The following CRACDL variants were observed in gnomAD, a reference collection of about 807,000 sequenced individuals.
The protein encoded by CRACDL is CRACD like, also known as CRACD-like protein.
Under a neutral mutation model 70.6 loss-of-function variants are expected in CRACDL, and 26 were observed. The observed-to-expected ratio is 0.37, with a 90% CI of 0.27 to 0.51. CRACDL has a LOEUF of 0.51. Among genes scored for constraint, CRACDL ranks in the 20% least tolerant of loss-of-function variants. The probability of loss-of-function intolerance (pLI) is 0.94; values close to 1 mark genes in which losing one functional copy is unlikely to be tolerated. For missense variants in CRACDL, 1,283 were observed against 1,376.9 expected (o/e 0.93, Z 1.08); for synonymous variants, 618 against 615.2 (o/e 1.00, Z -0.07).
intron 5 of CRACDL, among the ~76,000 whole-genome samples, chr2:98,830,358 A>G (rs979756368): frequency 2.0e-5 from 3 of 152,186 alleles, no homozygotes; most frequent in East Asian, 1.9e-4. Context: ...TTTTCTGTCT[A>G]TGTGGGCCTG....
At chr2:98,915,426 C>T (rs1339080311) in intron 1 of CRACDL, among the ~76,000 whole-genome samples, 1 of 152,164 alleles carries the variant, frequency 6.6e-6, no homozygotes, top group East Asian at 1.9e-4. Context: ...GGGAGCAGGC[C>T]ATGGGACCAT....
At chr2:98,931,051 A>T (rs1709060253) in intron 1 of CRACDL, among the ~76,000 whole-genome samples, 1 of 152,168 alleles carries the variant, frequency 6.6e-6, no homozygotes, top group Admixed American at 6.5e-5. Context: ...TGGGCTGGGC[A>T]TGGTGGCTTA....
chr2:98,805,587 C>T (rs1704257318), intron 7 of CRACDL, among the ~76,000 whole-genome samples: 1 of 152,214 alleles, frequency 6.6e-6, no homozygotes, highest in African/African-American at 2.4e-5. Context: ...GCCTCCCCTC[C>T]TCTTGCTCCA....
At chr2:98,889,672 C>T (rs1707911045) in intron 1 of CRACDL, among the ~76,000 whole-genome samples, 1 of 152,178 alleles carries the variant, frequency 6.6e-6, no homozygotes, top group Non-Finnish European at 1.5e-5. Context: ...ACCTAGCAGA[C>T]ATCTATAGAA....
intron 1 of CRACDL, among the ~76,000 whole-genome samples, chr2:98,864,142 A>G (rs1161040464): frequency 1.3e-5 from 2 of 152,230 alleles, no homozygotes; most frequent in Non-Finnish European, 2.9e-5. Flanking sequence ...TAATAATCAA[A>G]AAGTAGAAAT....
At chr2:98,863,488 G>A (rs1177216740) in intron 1 of CRACDL, among the ~76,000 whole-genome samples, 4 of 151,988 alleles carry the variant, frequency 2.6e-5, no homozygotes, top group East Asian at 1.9e-4. Flanking sequence ...GTAAATACAC[G>A]GGAATTATTA....
At chr2:98,842,490 G>A (rs1706071408) in intron 2 of CRACDL, among the ~76,000 whole-genome samples, 1 of 151,416 alleles carries the variant, frequency 6.6e-6, no homozygotes, top group African/African-American at 2.4e-5. Context: ...ATTCTTTTTG[G>A]TGTACATAGA....
chr2:98,891,251 C>T (rs892097587), intron 1 of CRACDL, among the ~76,000 whole-genome samples: 6 of 151,614 alleles, frequency 4.0e-5, no homozygotes, highest in Non-Finnish European at 8.8e-5. Context: ...GTGGTGGTCA[C>T]CTGTAATTCC....
intron 7 of CRACDL, among the ~76,000 whole-genome samples, chr2:98,808,943 G>A (rs530931163): frequency 1.3e-5 from 2 of 152,272 alleles, no homozygotes; most frequent in South Asian, 4.1e-4. Flanking sequence ...AGGAACCAGA[G>A]CACTGCACCT....
intron 1 of CRACDL, among the ~76,000 whole-genome samples, chr2:98,895,409 C>T (rs770999199): frequency 1.2e-4 from 18 of 152,006 alleles, no homozygotes; most frequent in Non-Finnish European, 2.1e-4. Context: ...GACAGGTGAA[C>T]GGAAAACATA....
At chr2:98,826,370 CTG>C (rs1239413464) in intron 6 of CRACDL, among the ~76,000 whole-genome samples, 4 of 152,220 alleles carry the variant, frequency 2.6e-5, no homozygotes, top group African/African-American at 9.6e-5. Context: ...TTCAACAACT[CTG>C]TGACTAGAAA....
At chr2:98,882,909 G>T (rs1311068127) in intron 1 of CRACDL, among the ~76,000 whole-genome samples, 1 of 152,174 alleles carries the variant, frequency 6.6e-6, no homozygotes, top group Non-Finnish European at 1.5e-5. Context: ...GGATTCACAG[G>T]GTAGAGGGAT....
intron 7 of CRACDL, among the ~76,000 whole-genome samples, chr2:98,817,380 A>G (rs973373932): frequency 5.9e-5 from 9 of 152,202 alleles, no homozygotes; most frequent in Non-Finnish European, 1.3e-4. Context: ...ATAAAATGAA[A>G]TTTTAAAAAT....
intron 1 of CRACDL, among the ~76,000 whole-genome samples, chr2:98,929,908 G>A (rs571302840): frequency 6.6e-6 from 1 of 152,222 alleles, no homozygotes; most frequent in African/African-American, 2.4e-5. Flanking sequence ...TGGACCCAAG[G>A]CAGCTGGGCA....
intron 1 of CRACDL, among the ~76,000 whole-genome samples, chr2:98,882,243 G>A (rs745322226): frequency 5.3e-5 from 8 of 152,200 alleles, no homozygotes; most frequent in Non-Finnish European, 1.0e-4. Flanking sequence ...GAACAGAGGG[G>A]ACCACTCCTC....
At chr2:98,819,718 T>C (rs1704942816) in intron 7 of CRACDL, among the ~76,000 whole-genome samples, 1 of 152,176 alleles carries the variant, frequency 6.6e-6, no homozygotes, top group African/African-American at 2.4e-5. Context: ...TTCCTATGTA[T>C]GCATCTTCCT....
intron 1 of CRACDL, among the ~76,000 whole-genome samples, chr2:98,895,503 C>T (rs151090641): frequency 1.5e-3 from 227 of 152,066 alleles, no homozygotes; most frequent in Non-Finnish European, 2.7e-3. Context: ...TGTAGAGGCC[C>T]GGAGGCAGGG....
intron 1 of CRACDL, among the ~76,000 whole-genome samples, chr2:98,913,983 T>A (rs1042181717): frequency 4.6e-5 from 7 of 152,342 alleles, no homozygotes; most frequent in Admixed American, 3.9e-4. Context: ...CCTGAATGCA[T>A]GGAAGCCTCG....
At chr2:98,847,031 G>A (rs1412044619) in intron 1 of CRACDL, among the ~76,000 whole-genome samples, 2 of 152,184 alleles carry the variant, frequency 1.3e-5, no homozygotes, top group Non-Finnish European at 2.9e-5. Flanking sequence ...CAATTTAATG[G>A]AAAACAGATC....
Sources: allele counts gnomAD v4.1 joint callset (sites outside exome capture counted in the v4.1 genomes callset), GRCh38; gene constraint gnomAD v4.1.1; transcripts MANE v1.5; gene names NCBI Gene and HGNC (gene_info 2026-07-23, HGNC 2026-07-21).